The following SGCZ variants were observed in gnomAD, a reference collection of about 807,000 sequenced individuals.
The protein encoded by SGCZ is sarcoglycan zeta.
In SGCZ, 40 loss-of-function variants were observed where a neutral mutation model predicts 41.3. The ratio of observed to expected loss-of-function variants is 0.97; its 90% CI spans 0.75 to 1.26. SGCZ has a LOEUF of 1.26. Ranked by LOEUF, SGCZ falls within the 50% of genes most tolerant of loss-of-function variation. The pLI is 0.00. For missense variants in SGCZ, 552 were observed against 369.8 expected (o/e 1.49, Z -4.04); for synonymous variants, 206 against 137.5 (o/e 1.50, Z -3.49).
At chr8:14,114,934 CAG>C (rs1199082758) in intron 5 of SGCZ, among the ~76,000 whole-genome samples, 20 of 151,580 alleles carry the variant, frequency 1.3e-4, no homozygotes, top group African/African-American at 4.1e-4. Flanking sequence ...GTAAAGAAAA[CAG>C]AATTAAAAAG....
chr8:14,537,611 T>C (rs1803335471), intron 2 of SGCZ, among the ~76,000 whole-genome samples: 2 of 151,766 alleles, frequency 1.3e-5, no homozygotes, highest in Admixed American at 6.6e-5. Flanking sequence ...AATGTCTCTT[T>C]ACTTTCTCCT....
intron 1 of SGCZ, among the ~76,000 whole-genome samples, chr8:15,114,581 T>C (rs1807196616): frequency 6.6e-6 from 1 of 152,168 alleles, no homozygotes; most frequent in Non-Finnish European, 1.5e-5. Context: ...TTTGCAGAAA[T>C]CTATCTATAG....
chr8:14,478,075 G>T (rs1024113640), intron 2 of SGCZ, among the ~76,000 whole-genome samples: 1 of 152,214 alleles, frequency 6.6e-6, no homozygotes, highest in Non-Finnish European at 1.5e-5. Flanking sequence ...ACTGGACAAT[G>T]TGCATCCTCA....
intron 3 of SGCZ, among the ~76,000 whole-genome samples, chr8:14,275,166 T>C (rs1438143728): frequency 1.3e-5 from 2 of 152,150 alleles, no homozygotes; most frequent in African/African-American, 2.4e-5. Flanking sequence ...CTCAGTCAAA[T>C]TTAGGTTAAG....
chr8:14,812,134 A>G (rs1257914057), intron 1 of SGCZ, among the ~76,000 whole-genome samples: 1 of 151,970 alleles, frequency 6.6e-6, no homozygotes, highest in East Asian at 1.9e-4. Context: ...CATTTTAAAG[A>G]TATTTTAAAA....
At chr8:15,065,354 T>TAGTTAGGA (rs1407215389) in intron 1 of SGCZ, among the ~76,000 whole-genome samples, 1 of 151,868 alleles carries the variant, frequency 6.6e-6, no homozygotes, top group Non-Finnish European at 1.5e-5. Flanking sequence ...CCAGGAGGCC[T>TAGTTAGGA]AGTTAGGACC....
intron 1 of SGCZ, among the ~76,000 whole-genome samples, chr8:15,146,193 A>T (rs958270558): frequency 2.0e-5 from 3 of 152,228 alleles, no homozygotes; most frequent in African/African-American, 7.2e-5. Flanking sequence ...AGTCATACAA[A>T]AAAAAGAAAT....
chr8:14,660,503 G>A (rs911162243), intron 1 of SGCZ, among the ~76,000 whole-genome samples: 9 of 149,312 alleles, frequency 6.0e-5, no homozygotes, highest in African/African-American at 1.0e-4. Context: ...AACCAGAGGC[G>A]GAGGTTTCAG....
intron 1 of SGCZ, among the ~76,000 whole-genome samples, chr8:14,731,475 G>C (rs1810237353): frequency 6.6e-6 from 1 of 151,992 alleles, no homozygotes; most frequent in Non-Finnish European, 1.5e-5. Context: ...CATGGCACGT[G>C]TATACCTAGG....
At chr8:14,811,542 T>C (rs1801738211) in intron 1 of SGCZ, among the ~76,000 whole-genome samples, 1 of 145,048 alleles carries the variant, frequency 6.9e-6, no homozygotes, top group Non-Finnish European at 1.5e-5. Context: ...TTTTTTTTTT[T>C]TTTTCGGAAT....
intron 3 of SGCZ, among the ~76,000 whole-genome samples, chr8:14,283,228 C>T (rs189589019): frequency 3.7e-4 from 57 of 152,270 alleles, no homozygotes; most frequent in Non-Finnish European, 7.5e-4. Context: ...CTATCTAGCT[C>T]ATATTTCTTT....
intron 4 of SGCZ, among the ~76,000 whole-genome samples, chr8:14,211,107 C>G (rs1449904697): frequency 2.0e-5 from 3 of 152,142 alleles, no homozygotes; most frequent in East Asian, 1.9e-4. Flanking sequence ...TGCCTGCCTC[C>G]CTAAAAATGG....
At chr8:14,102,076 T>TGATATA (rs1221773915) in intron 7 of SGCZ, among the ~76,000 whole-genome samples, 4 of 119,918 alleles carry the variant, frequency 3.3e-5, no homozygotes, top group African/African-American at 1.0e-4. Context: ...TTGGCTAACT[T>TGATATA]TATATATATA....
In SGCZ at chr8:14,851,383, A is replaced by G. The variant is rs556535523; in HGVS notation, c.40-296457T>C. Among the ~76,000 whole-genome samples, 561 of 143,320 alleles carry G rather than the reference A, an allele frequency of 3.9e-3. 4 individuals are homozygous for G. The highest frequency in any genetic ancestry group is 0.015 in the South Asian group (72 of 4,688). The allele number at this position is 143,320 out of a possible 152,430, so 94.0% of individuals were successfully genotyped here. On this transcript the variant is annotated intron_variant, in intron 1 of 7. Coordinates refer to ENST00000382080, the MANE Select transcript of SGCZ (RefSeq NM_139167.4). The stretch of plus-strand genomic sequence containing the variant: ...GACTCCATCTCAAAAAAAAAAAAAA[A>G]AAAAAAAGAAAAAAAGAAAAAAGAA...
intron 1 of SGCZ, among the ~76,000 whole-genome samples, chr8:14,564,018 A>C: frequency 6.6e-6 from 1 of 152,218 alleles, no homozygotes; most frequent in East Asian, 1.9e-4. Context: ...GATTCCTTAA[A>C]ATTAAAATAT....
chr8:14,233,695 G>A (rs1465626588), intron 4 of SGCZ, among the ~76,000 whole-genome samples: 1 of 150,192 alleles, frequency 6.7e-6, no homozygotes, highest in East Asian at 1.9e-4. Flanking sequence ...TTTTTTGATA[G>A]AAAGTCATGG....
rs1280304753 is a variant in SGCZ at position 14,735,578 on chromosome 8, T to C, written c.40-180652A>G. Among the ~76,000 whole-genome samples the C allele has an allele frequency of 3.9e-5, 6 of 152,134 alleles. No homozygotes were observed. In the East Asian group the frequency reaches 7.7e-4, roughly 20 times the overall value. The stretch of plus-strand genomic sequence containing the variant: ...GCCTGCACTATTGGCTTCCCTACTT[T>C]TGAGGATTTTGGACTCAGCCTGAGC... On this transcript the variant is annotated intron_variant, in intron 1 of 7. Coordinates refer to ENST00000382080, the MANE Select transcript of SGCZ (RefSeq NM_139167.4).
chr8:14,574,548 G>T (rs75965441), intron 1 of SGCZ, among the ~76,000 whole-genome samples: 1 of 152,098 alleles, frequency 6.6e-6, no homozygotes. Flanking sequence ...GACTTGCTAG[G>T]TTTCCCCACT....
intron 3 of SGCZ, among the ~76,000 whole-genome samples, chr8:14,310,481 A>G (rs962284948): frequency 1.3e-5 from 2 of 152,076 alleles, no homozygotes; most frequent in African/African-American, 4.8e-5. Context: ...CCTAACTAGA[A>G]TTAGTATGTC....
Sources: gnomAD v4.1 joint callset for allele counts (sites outside exome capture counted in the v4.1 genomes callset) on GRCh38, gnomAD v4.1.1 for gene constraint, MANE v1.5 for transcripts, NCBI Gene and HGNC (gene_info 2026-07-23, HGNC 2026-07-21) for gene names.